The following BCOR variants were observed in gnomAD, a reference collection of about 807,000 sequenced individuals.
The protein encoded by BCOR is BCL-6 corepressor.
In BCOR, 10 loss-of-function variants were observed where a neutral mutation model predicts 86.7. That is an observed-to-expected ratio of 0.12 (90% confidence interval 0.07 to 0.20). The LOEUF (loss-of-function observed/expected upper bound fraction) is 0.20, where lower values mean the gene tolerates loss of function less well. Among genes scored for constraint, BCOR ranks in the 10% least tolerant of loss-of-function variants. The pLI is 1.00. For missense variants in BCOR, 1,259 were observed against 1,452.1 expected (o/e 0.87, Z 2.16); for synonymous variants, 611 against 609.0 (o/e 1.00, Z -0.05).
intron 10 of BCOR, among the ~76,000 whole-genome samples, chrX:40,058,840 C>T (rs1164181672): frequency 8.9e-6 from 1 of 111,770 alleles, no homozygotes; most frequent in Non-Finnish European, 1.9e-5. Flanking sequence ...TCCAGGATAC[C>T]GCATGAAGCT....
chrX:40,069,825 G>T (rs1935385666), intron 6 of BCOR, among the ~76,000 whole-genome samples: 3 of 112,304 alleles, frequency 2.7e-5, no homozygotes, highest in Middle Eastern at 4.6e-3. Context: ...GAGGAAGAGT[G>T]AGCAACTTCA....
rs184743781 is a variant in BCOR at position 40,122,107 on chromosome X, A to G, written c.-40-44138T>C. Among the ~76,000 whole-genome samples, 632 of 111,459 alleles carry G rather than the reference A, an allele frequency of 5.7e-3. 5 individuals are homozygous for G. The highest frequency in any genetic ancestry group is 0.02 in the African/African-American group (601 of 30,639). On this transcript the variant is annotated intron_variant, in intron 1 of 14. Coordinates refer to the BCOR transcript ENST00000342274. Reference sequence around the variant, plus strand: ...TCTCTCCTCTATACAAAAACCTCAGAGCCCTCACTTGAGATCTGGGGCTGG... The same window carrying G: ...TCTCTCCTCTATACAAAAACCTCAGGGCCCTCACTTGAGATCTGGGGCTGG...
At chrX:40,127,910 TTA>T (rs1491283292) in intron 1 of BCOR, among the ~76,000 whole-genome samples, 31 of 83,883 alleles carry the variant, frequency 3.7e-4, no homozygotes, top group African/African-American at 1.1e-3. Context: ...ATAAATAAAT[TTA>T]AAAAAAAAAG....
At chrX:40,162,929 GAC>G (rs1479342823) in intron 1 of BCOR, among the ~76,000 whole-genome samples, 2 of 111,728 alleles carry the variant, frequency 1.8e-5, no homozygotes, top group Non-Finnish European at 3.8e-5. Context: ...AGGGGTTAGA[GAC>G]AAGGATAATG....
intron 1 of BCOR, among the ~76,000 whole-genome samples, chrX:40,115,196 C>T (rs1222599553): frequency 1.8e-5 from 2 of 110,935 alleles, no homozygotes; most frequent in Admixed American, 9.6e-5. Context: ...TTCTACCTGA[C>T]TCCAAACCTA....
At chrX:40,114,189 G>A (rs1467482395) in intron 1 of BCOR, among the ~76,000 whole-genome samples, 1 of 112,219 alleles carries the variant, frequency 8.9e-6, no homozygotes, top group Non-Finnish European at 1.9e-5. Context: ...AGACAGTTGT[G>A]GAGAGGGTGC....
At chrX:40,160,291 ATTT>A (rs1274351888) in intron 1 of BCOR, among the ~76,000 whole-genome samples, 1 of 105,000 alleles carries the variant, frequency 9.5e-6, no homozygotes, top group Non-Finnish European at 2.0e-5. Flanking sequence ...AATTTTGTGT[ATTT>A]TTTTTTTAGT....
At chrX:40,097,060 G>A (rs1936918024) in intron 1 of BCOR, among the ~76,000 whole-genome samples, 155 bp downstream of exon 1, 1 of 112,931 alleles carries the variant, frequency 8.9e-6, no homozygotes, top group South Asian at 3.6e-4. Context: ...AAAAACGAAA[G>A]CGAGCCAAGC....
intron 10 of BCOR, among the ~76,000 whole-genome samples, chrX:40,060,001 C>T (rs1206225722): frequency 8.9e-6 from 1 of 112,025 alleles, no homozygotes; most frequent in Non-Finnish European, 1.9e-5. Flanking sequence ...TAACAGAAAA[C>T]AAAGCTTGAG....
chrX:40,058,029 G>A (rs909967356), intron 10 of BCOR, among the ~76,000 whole-genome samples: 2 of 110,758 alleles, frequency 1.8e-5, no homozygotes, highest in Non-Finnish European at 3.8e-5. Flanking sequence ...ACTTGGGGCT[G>A]AATCAATATA....
intron 1 of BCOR, among the ~76,000 whole-genome samples, chrX:40,149,434 G>A (rs1180232190): frequency 9.0e-6 from 1 of 111,274 alleles, no homozygotes; most frequent in Non-Finnish European, 1.9e-5. Flanking sequence ...AAAAAGACAG[G>A]AACGGCAAGT....
intron 1 of BCOR, among the ~76,000 whole-genome samples, chrX:40,105,089 C>T (rs1172250797): frequency 9.0e-6 from 1 of 111,113 alleles, no homozygotes; most frequent in Admixed American, 9.3e-5. Context: ...TTCACGTGCC[C>T]GCCATATCAG....
At chrX:40,082,126 G>A (rs899756042) in intron 1 of BCOR, among the ~76,000 whole-genome samples, 32 of 111,996 alleles carry the variant, frequency 2.9e-4, no homozygotes, top group African/African-American at 1.0e-3. Context: ...AAGATCATAA[G>A]CCATCACTCC....
intron 1 of BCOR, among the ~76,000 whole-genome samples, chrX:40,116,374 G>T (rs777277930): frequency 9.1e-6 from 1 of 109,846 alleles, no homozygotes; most frequent in Non-Finnish European, 1.9e-5. Context: ...GTGGGCGCCT[G>T]TAGTCCCAGC....
intron 1 of BCOR, among the ~76,000 whole-genome samples, chrX:40,090,270 G>A (rs1301173824): frequency 8.8e-6 from 1 of 113,458 alleles, no homozygotes; most frequent in Non-Finnish European, 1.9e-5. Flanking sequence ...CGGGAGGGAC[G>A]GAGGGGAGAC....
intron 3 of BCOR, among the ~76,000 whole-genome samples, chrX:40,075,404 A>C (rs1179076961): frequency 9.0e-6 from 1 of 111,616 alleles, no homozygotes; most frequent in Non-Finnish European, 1.9e-5. Flanking sequence ...TCCTGGAAGC[A>C]GGGAAAACAT....
intron 1 of BCOR, among the ~76,000 whole-genome samples, chrX:40,078,775 G>A (rs1602167090): frequency 1.8e-5 from 2 of 111,828 alleles, no homozygotes; most frequent in African/African-American, 6.5e-5. Flanking sequence ...CATTTTCCAC[G>A]TTCCGGGAGC....
At chrX:40,133,807 C>T (rs1184201202) in intron 1 of BCOR, among the ~76,000 whole-genome samples, 4 of 111,158 alleles carry the variant, frequency 3.6e-5, no homozygotes, top group African/African-American at 1.3e-4. Flanking sequence ...CTTTTCTACT[C>T]CCACACCACT....
chrX:40,162,458 G>A (rs758283858), intron 1 of BCOR, among the ~76,000 whole-genome samples: 1 of 111,480 alleles, frequency 9.0e-6, no homozygotes, highest in Non-Finnish European at 1.9e-5. Context: ...CCTCAAGGGA[G>A]GCTAGGGTGA....
Sources: gnomAD v4.1 joint callset for allele counts (sites outside exome capture counted in the v4.1 genomes callset) on GRCh38, gnomAD v4.1.1 for gene constraint, MANE v1.5 for transcripts, NCBI Gene and HGNC (gene_info 2026-07-23, HGNC 2026-07-21) for gene names.